Variants in TNS3 observed in about 807,000 individuals in gnomAD.
The protein encoded by TNS3 is tensin 3, also known as tensin-3.
Under a neutral mutation model 140.9 loss-of-function variants are expected in TNS3, and 45 were observed. The ratio of observed to expected loss-of-function variants is 0.32; its 90% CI spans 0.25 to 0.41. The LOEUF is 0.41. TNS3 is among the 10% of genes least tolerant of loss of function. The probability of loss-of-function intolerance (pLI) is 1.00; values close to 1 mark genes in which losing one functional copy is unlikely to be tolerated. For synonymous variants in TNS3, 815 were observed against 788.4 expected (o/e 1.03, Z -0.56); for missense variants, 1,716 against 1,906.7 (o/e 0.90, Z 1.86).
At chr7:47,373,559 G>A (rs1418538569) in intron 16 of TNS3, among the ~76,000 whole-genome samples, 2 of 152,158 alleles carry the variant, frequency 1.3e-5, no homozygotes, top group Admixed American at 1.3e-4. Context: ...CTTGGCTTTT[G>A]TCTTTCTCTG....
chr7:47,474,145 C>CACACACACACACACACACAA (rs1554336730), intron 4 of TNS3, among the ~76,000 whole-genome samples: 1 of 137,276 alleles, frequency 7.3e-6, no homozygotes, highest in South Asian at 2.3e-4. Flanking sequence ...CACACACACA[C>CACACACACACACACACACAA]AACACACATA....
chr7:47,362,333 G>A (rs10279963), intron 17 of TNS3, among the ~76,000 whole-genome samples: 3,893 of 152,270 alleles, frequency 0.026, 85 homozygotes, highest in Admixed American at 0.049. Context: ...CCCCACCTCT[G>A]GAGGGCCTCT....
chr7:47,391,123 G>A (rs913942376), intron 16 of TNS3, among the ~76,000 whole-genome samples: 1 of 152,174 alleles, frequency 6.6e-6, no homozygotes, highest in African/African-American at 2.4e-5. Flanking sequence ...GTGAATATGT[G>A]CTGCTCGCCT....
At chr7:47,353,116 G>A (rs542940932) in intron 17 of TNS3, among the ~76,000 whole-genome samples, 6 of 152,272 alleles carry the variant, frequency 3.9e-5, no homozygotes, top group Non-Finnish European at 2.9e-5. Flanking sequence ...AGCAAGCTCC[G>A]TACCTCTGCA....
intron 16 of TNS3, among the ~76,000 whole-genome samples, chr7:47,384,095 C>G (rs76004675): frequency 6.6e-5 from 10 of 152,332 alleles, no homozygotes; most frequent in Admixed American, 6.5e-5. Context: ...ATTCTCCCCC[C>G]ACTGTCTCCA....
chr7:47,308,344 G>T (rs1343915318), intron 20 of TNS3, among the ~76,000 whole-genome samples: 1 of 152,014 alleles, frequency 6.6e-6, no homozygotes, highest in Non-Finnish European at 1.5e-5. Context: ...TATGTTCCAC[G>T]ACTCTACTTA....
chr7:47,465,450 A>G (rs2347787), intron 4 of TNS3, among the ~76,000 whole-genome samples: 95,152 of 152,000 alleles, frequency 0.63, 30,468 homozygotes, highest in Admixed American at 0.7. Flanking sequence ...CGCCCTGCAC[A>G]ATGCCCCTGT....
intron 16 of TNS3, among the ~76,000 whole-genome samples, chr7:47,375,477 T>C (rs1275951125): frequency 6.6e-6 from 1 of 152,222 alleles, no homozygotes; most frequent in African/African-American, 2.4e-5. Context: ...ATACAGAGCA[T>C]ACATTCTTGT....
intron 27 of TNS3, among the ~76,000 whole-genome samples, chr7:47,287,386 T>C (rs1480204469): frequency 1.3e-5 from 2 of 152,220 alleles, no homozygotes; most frequent in East Asian, 3.8e-4. Context: ...TCTGCTAATA[T>C]TTCTGAGTTT....
At chr7:47,582,494 T>A (rs1198835782), upstream of TNS3, 1 of 456,472 alleles carries the variant, frequency 2.2e-6, no homozygotes, top group Non-Finnish European at 4.4e-6. Flanking sequence ...CGCCTGTGAT[T>A]AAGGTGCTCT....
chr7:47,292,215 A>G (rs774249775), intron 26 of TNS3, among the ~76,000 whole-genome samples, 183 bp from the exon 27 acceptor site: 1 of 152,228 alleles, frequency 6.6e-6, no homozygotes, highest in Non-Finnish European at 1.5e-5. Flanking sequence ...ATTCTGAATA[A>G]AAGTAGAGAT....
chr7:47,389,109 C>A (rs368875573), intron 16 of TNS3, among the ~76,000 whole-genome samples: 3,856 of 58,960 alleles, frequency 0.065, 1,246 homozygotes, highest in African/African-American at 0.16. Flanking sequence ...GAAGCGGAAG[C>A]AGAAGAAGAA....
chr7:47,337,811 C>T (rs1788717516), intron 20 of TNS3, among the ~76,000 whole-genome samples: 1 of 152,248 alleles, frequency 6.6e-6, no homozygotes, highest in Non-Finnish European at 1.5e-5. Context: ...CGACCTCTTA[C>T]TCCACCACTC....
chr7:47,369,571 T>C lies in TNS3; in HGVS notation c.1075A>G (p.Lys359Glu), dbSNP rs1390482612. The change falls in exon 17 of 31, where the codon AAG (lysine) becomes GAG (glutamate). Residue 359 changes from lysine (K) to glutamate (E), a missense_variant. Lys to Glu is a moderately conservative substitution (Grantham distance 56, BLOSUM62 1). Coordinates refer to ENST00000311160, the MANE Select transcript of TNS3 (RefSeq NM_022748.12). ...VDGSLYAKVR[K>E]KSSSDPGIPG... ...ATGCCAGGATCCGAGGAGCTTTTCTTCCTCACCTTCGCGTAAAGGCTGCCA... is the reference window on the plus strand; with the variant it reads ...ATGCCAGGATCCGAGGAGCTTTTCTCCCTCACCTTCGCGTAAAGGCTGCCA... 1.2e-6 allele frequency: 2 copies of C among 1,609,004 alleles called. No homozygotes were observed. The highest frequency in any genetic ancestry group is 1.7e-6 in the Non-Finnish European group (2 of 1,177,388).
chr7:47,433,889 C>A lies in TNS3; in HGVS notation c.324+1393G>T, dbSNP rs1291717419. Reference sequence around the variant, plus strand: ...TTTAAAAGTCCGTCTGTCTATCTCTCTCTCTCTCTCTCTCTCTCTCTCTCT... The same window carrying A: ...TTTAAAAGTCCGTCTGTCTATCTCTATCTCTCTCTCTCTCTCTCTCTCTCT... On this transcript the variant is annotated intron_variant, in intron 8 of 30. Coordinates refer to ENST00000311160, the MANE Select transcript of TNS3 (RefSeq NM_022748.12). Among the ~76,000 whole-genome samples, 20 of 5,508 alleles carry A rather than the reference C, an allele frequency of 3.6e-3. No individual in the cohort carries two copies. The Admixed American group carries it at 0.036, about 10-fold the overall frequency. The allele number at this position is 5,508 out of a possible 152,430, so 3.6% of individuals were successfully genotyped here.
At chr7:47,545,916 C>G (rs901351391) in intron 1 of TNS3, among the ~76,000 whole-genome samples, 1 of 152,198 alleles carries the variant, frequency 6.6e-6, no homozygotes, top group African/African-American at 2.4e-5. Context: ...ACCACTTACA[C>G]CACAGTCAGG....
chr7:47,445,742 C>T (rs530169747), intron 4 of TNS3, among the ~76,000 whole-genome samples: 1 of 152,312 alleles, frequency 6.6e-6, no homozygotes, highest in East Asian at 1.9e-4. Context: ...GGGTAGAACC[C>T]CCTCAGCTGC....
intron 11 of TNS3, among the ~76,000 whole-genome samples, chr7:47,414,264 T>C (rs529300475): frequency 2.4e-4 from 37 of 152,136 alleles, no homozygotes; most frequent in African/African-American, 8.4e-4. Context: ...CAAAACCAAC[T>C]AGCAGCTTGG....
chr7:47,314,818 C>T (rs762124687), intron 20 of TNS3, among the ~76,000 whole-genome samples: 3 of 152,164 alleles, frequency 2.0e-5, no homozygotes, highest in South Asian at 2.1e-4. Flanking sequence ...GGGGCATCTG[C>T]GGAGGCATTA....
Sources: allele counts gnomAD v4.1 joint callset (sites outside exome capture counted in the v4.1 genomes callset), GRCh38; gene constraint gnomAD v4.1.1; transcripts MANE v1.5; gene names NCBI Gene and HGNC (gene_info 2026-07-23, HGNC 2026-07-21).